The following SORCS2 variants were observed in gnomAD, a reference collection of about 807,000 sequenced individuals.
The protein encoded by SORCS2 is sortilin related VPS10 domain containing receptor 2, also known as VPS10 domain-containing receptor SorCS2.
In SORCS2, 100 loss-of-function variants were observed where a neutral mutation model predicts 141.6. The observed-to-expected ratio is 0.71, with a 90% confidence interval of 0.60 to 0.83. The LOEUF is 0.83. Among genes scored for constraint, SORCS2 ranks in the 40% least tolerant of loss-of-function variants. The pLI, the probability that SORCS2 is intolerant of heterozygous loss-of-function variation, is 0.00. For synonymous variants in SORCS2, 789 were observed against 676.9 expected, an observed-to-expected ratio of 1.17 and a Z score of -2.57; for missense variants, 1,646 against 1,560.2, an observed-to-expected ratio of 1.05 and a Z score of -0.93.
intron 1 of SORCS2, among the ~76,000 whole-genome samples, chr4:7,246,163 C>T (rs896000769): frequency 1.3e-5 from 2 of 152,182 alleles, no homozygotes; most frequent in Admixed American, 6.5e-5. Context: ...CAGCCACAGC[C>T]GTGCAGAAAA....
intron 1 of SORCS2, among the ~76,000 whole-genome samples, chr4:7,381,387 TGTGTCCAAAGCCACGCA>T (rs1722986502): frequency 6.6e-6 from 1 of 152,194 alleles, no homozygotes; most frequent in Non-Finnish European, 1.5e-5. Flanking sequence ...AAGAGCACAC[TGTGTCCAAAGCCACGCA>T]GTGTTAGAGG....
chr4:7,592,348 C>T lies in SORCS2; in HGVS notation c.649-45980C>T, dbSNP rs562718783. Among the ~76,000 whole-genome samples the T allele has an allele frequency of 4.6e-5, 7 of 152,296 alleles. No homozygotes were observed. The East Asian group carries it at 1.2e-3, about 25-fold the overall frequency. On this transcript the variant is annotated intron_variant, in intron 3 of 26. Coordinates refer to ENST00000507866, the MANE Select transcript of SORCS2 (RefSeq NM_020777.3). ...ACAGTTGCCTTACTCGCCCTGGTGA[C>T]TGCAGTAATGAGCTTAGGCTCTGAG...
intron 3 of SORCS2, among the ~76,000 whole-genome samples, chr4:7,618,784 C>T (rs1718932459): frequency 1.3e-5 from 2 of 151,916 alleles, no homozygotes; most frequent in Admixed American, 1.3e-4. Context: ...TGGTTTTTTT[C>T]ACTATTTGAG....
intron 2 of SORCS2, among the ~76,000 whole-genome samples, chr4:7,504,933 C>T (rs1240369286): frequency 6.6e-6 from 1 of 152,220 alleles, no homozygotes; most frequent in Non-Finnish European, 1.5e-5. Flanking sequence ...GCCCCCCGGC[C>T]ACCTGTCATG....
intron 1 of SORCS2, among the ~76,000 whole-genome samples, chr4:7,331,781 T>C (rs545889472): frequency 2.2e-4 from 33 of 152,330 alleles, no homozygotes; most frequent in African/African-American, 7.9e-4. Context: ...CAGGGGTCAG[T>C]GGCTTCAGTC....
intron 1 of SORCS2, among the ~76,000 whole-genome samples, chr4:7,314,598 C>G (rs1329077691): frequency 3.3e-5 from 5 of 152,142 alleles, no homozygotes; most frequent in Non-Finnish European, 7.3e-5. Context: ...CTCTGCCTCC[C>G]AAAGTGTTGG....
At chr4:7,683,929 G>A (rs1044889077) in intron 10 of SORCS2, among the ~76,000 whole-genome samples, 1 of 152,216 alleles carries the variant, frequency 6.6e-6, no homozygotes, top group African/African-American at 2.4e-5. Context: ...TGAGGAAGGA[G>A]AGACAGAGCT....
chr4:7,223,293 GCGCA>G (rs79208444), intron 1 of SORCS2, among the ~76,000 whole-genome samples: 19,367 of 75,294 alleles, frequency 0.26, 1,459 homozygotes, highest in East Asian at 0.35. Flanking sequence ...TAGTGTATAT[GCGCA>G]CACACACACA....
rs78208199 is a variant in SORCS2, at chr4:7,480,458, C to A, written c.549-51072C>A. On this transcript the variant is annotated intron_variant, in intron 2 of 26. Transcript: ENST00000507866. Reference sequence around the variant, plus strand: ...GCCCGGGGGGTTGGAGGAACCTGACCCACTGCAGGTGGGAGACCATGCTCT... The same window carrying A: ...GCCCGGGGGGTTGGAGGAACCTGACACACTGCAGGTGGGAGACCATGCTCT... Among the ~76,000 whole-genome samples, 4 of 152,360 alleles carry A rather than the reference C, an allele frequency of 2.6e-5. No individual in the cohort carries two copies. In the East Asian group the frequency reaches 7.7e-4, roughly 29 times the overall value.
Position 7,193,158 on chromosome 4 carries a change from C to A in SORCS2, c.480+32C>A. ...GACCTCCACGCGCTCGCCGCGGCCCCTACCCGGGACACCGCGGGACACCCG... is the reference window on the plus strand; with the variant it reads ...GACCTCCACGCGCTCGCCGCGGCCCATACCCGGGACACCGCGGGACACCCG... On this transcript the variant is annotated intron_variant, in intron 1 of 26. Transcript: ENST00000507866. The surrounding 1 kb of genome is among the most constrained non-coding windows in gnomAD (Gnocchi z 4.8). The A allele has an allele frequency of 6.8e-7, 1 of 1,475,790 alleles. No homozygotes were observed. Among genetic ancestry groups the A allele is most frequent in the Non-Finnish European group, 8.9e-7 (1 of 1,119,840 alleles). 91.4% of individuals were successfully genotyped at this position (1,475,790 alleles called of 1,614,324 possible). A position where few individuals can be genotyped will look rare whatever the true frequency, so the allele number is the denominator to read the frequency against.
intron 1 of SORCS2, among the ~76,000 whole-genome samples, chr4:7,394,257 A>C (rs977367760): frequency 1.3e-5 from 2 of 152,060 alleles, no homozygotes; most frequent in Admixed American, 1.3e-4. Flanking sequence ...TATTTCTTTC[A>C]GTGAGTGGTG....
intron 1 of SORCS2, among the ~76,000 whole-genome samples, chr4:7,200,015 C>T (rs182220211): frequency 2.1e-5 from 3 of 144,914 alleles, no homozygotes; most frequent in East Asian, 2.3e-4. Context: ...AGTGGGGAAG[C>T]GCAGAGGTGG....
At chr4:7,737,553 A>G (rs1195424247) in intron 26 of SORCS2, among the ~76,000 whole-genome samples, 1 of 151,452 alleles carries the variant, frequency 6.6e-6, no homozygotes, top group East Asian at 1.9e-4. Flanking sequence ...CTCCCTCAAC[A>G]CTCCCAGTCC....
rs141136940 is a variant in SORCS2, at chr4:7,575,226, C to T, written c.648+43597C>T. Among the ~76,000 whole-genome samples the T allele has an allele frequency of 1.1e-3, 172 of 152,246 alleles. 1 individual carries two copies. The highest frequency in any genetic ancestry group is 3.9e-3 in the African/African-American group (160 of 41,534). ...CTGGGCTCAGTTCCACAGAAATATA[C>T]GAGCCGTGTGTGTAATTTTAATGTT... On this transcript the variant is annotated intron_variant, in intron 3 of 26. Coordinates refer to ENST00000507866, the MANE Select transcript of SORCS2 (RefSeq NM_020777.3).
intron 1 of SORCS2, among the ~76,000 whole-genome samples, chr4:7,388,516 T>G (rs192111271): frequency 6.6e-6 from 1 of 152,172 alleles, no homozygotes; most frequent in African/African-American, 2.4e-5. Flanking sequence ...GGGTCTCTAG[T>G]TGAAATCTCC....
At chr4:7,588,532 C>G (rs942814653) in intron 3 of SORCS2, among the ~76,000 whole-genome samples, 1 of 152,176 alleles carries the variant, frequency 6.6e-6, no homozygotes, top group Admixed American at 6.5e-5. Flanking sequence ...TGCTGAATGG[C>G]ACTTGGAGGA....
At chr4:7,351,790 T>C (rs1241140760) in intron 1 of SORCS2, among the ~76,000 whole-genome samples, 1 of 151,686 alleles carries the variant, frequency 6.6e-6, no homozygotes. Context: ...TTATCATCCA[T>C]CCATCTATCC....
At position 7,360,127 on chromosome 4, in the gene SORCS2, A is replaced by G. The variant is rs1157112897; in HGVS notation, c.481-36161A>G. Among the ~76,000 whole-genome samples the G allele has an allele frequency of 4.6e-5, 7 of 152,364 alleles. No individual in the cohort carries two copies. The East Asian group carries it at 1.3e-3, about 29-fold the overall frequency. On this transcript the variant is annotated intron_variant, in intron 1 of 26. Transcript: ENST00000507866. Reference sequence around the variant, plus strand: ...GATAATTATCTTTTTAATGTTGCCAACGTTGATTGAATATTAAGCATCATT... The same window carrying G: ...GATAATTATCTTTTTAATGTTGCCAGCGTTGATTGAATATTAAGCATCATT...
chr4:7,651,473 G>A (rs76205309), intron 4 of SORCS2, among the ~76,000 whole-genome samples: 2,265 of 152,320 alleles, frequency 0.015, 54 homozygotes, highest in African/African-American at 0.051. Flanking sequence ...AGGCCCCTCT[G>A]CTATCCCGTT....
Sources: gnomAD v4.1 joint callset for allele counts (sites outside exome capture counted in the v4.1 genomes callset) on GRCh38, gnomAD v4.1.1 for gene constraint, Gnocchi (gnomAD v3.1) non-coding constraint, MANE v1.5 for transcripts, NCBI Gene and HGNC (gene_info 2026-07-23, HGNC 2026-07-21) for gene names.